LONP1: variants seen among roughly 807,000 people sequenced by gnomAD.
LONP1 encodes lon protease homolog, mitochondrial.
LONP1 carries 31 observed loss-of-function variants against 98.5 expected under a neutral mutation model. The ratio of observed to expected loss-of-function variants is 0.31; its 90% CI spans 0.24 to 0.42. The LOEUF is 0.42. Ranked by LOEUF, LONP1 falls within the 20% of genes least tolerant of loss-of-function variation. The pLI is 1.00. For missense variants in LONP1, 1,336 were observed against 1,350.6 expected, an observed-to-expected ratio of 0.99 and a Z score of 0.17; for synonymous variants, 781 against 594.7, an observed-to-expected ratio of 1.31 and a Z score of -4.56.
chr19:5,694,993 C>A, intron 13 of LONP1, 92 bp from the exon 14 acceptor site: 1 of 1,428,128 alleles, frequency 7.0e-7, no homozygotes, highest in South Asian at 1.4e-5. Context: ...CCATGGCCCC[C>A]AGACCCTGGC....
chr19:5,720,303 T>G (rs2055422890), upstream of LONP1: 6 of 954,854 alleles, frequency 6.3e-6, no homozygotes, highest in Admixed American at 3.6e-5. Context: ...CATCGGATCG[T>G]CTCCGCCTCT....
chr19:5,707,282 G>A (rs1018135204), intron 6 of LONP1, 139 bp from the exon 7 acceptor site: 3 of 693,446 alleles, frequency 4.3e-6, no homozygotes, highest in South Asian at 1.7e-5. Context: ...AGAGGCATGT[G>A]TGCCCTCTGC....
At chr19:5,711,355 C>T (rs1305229443) in intron 4 of LONP1, among the ~76,000 whole-genome samples, 2 of 152,256 alleles carry the variant, frequency 1.3e-5, no homozygotes, top group Non-Finnish European at 2.9e-5. Flanking sequence ...GCAGGCAGGA[C>T]GGCCTAGGTT....
rs1382861413 is a variant in LONP1 at position 5,700,648 on chromosome 19, C to G, written c.1506+141G>C. ...TCGGGGGCAGGGCAGGATGCTACCT[C>G]CGCCGGGATCCCCCCGACCAGCACC... On this transcript the variant is annotated intron_variant, in intron 9 of 17. Coordinates refer to ENST00000360614, the MANE Select transcript of LONP1 (RefSeq NM_004793.4). 4 of 1,187,378 alleles carry G rather than the reference C, an allele frequency of 3.4e-6. No homozygotes were observed. The South Asian group carries it at 4.6e-5, about 14-fold the overall frequency. The allele number at this position is 1,187,378 out of a possible 1,614,324, so 73.6% of individuals were successfully genotyped here.
Position 5,713,270 on chromosome 19 carries a change from C to G in LONP1, c.519-17G>C, listed in dbSNP as rs753201259. On this transcript the variant is annotated splice_polypyrimidine_tract_variant and intron_variant, in intron 2 of 17. Coordinates refer to ENST00000360614, the MANE Select transcript of LONP1 (RefSeq NM_004793.4). ...GACTCATTGCTGTGGGAGAAGAGCA[C>G]AGAGGAATGTTGGAACATGGCTTTC... The G allele has an allele frequency of 7.4e-6, 12 of 1,612,752 alleles. No homozygotes were observed. Among genetic ancestry groups the G allele is most frequent in the African/African-American group, 1.3e-5 (1 of 74,864 alleles).
intron 13 of LONP1, among the ~76,000 whole-genome samples, chr19:5,695,842 C>G (rs1340433461): frequency 6.6e-6 from 1 of 152,194 alleles, no homozygotes; most frequent in Non-Finnish European, 1.5e-5. Context: ...GTGTTTTGGA[C>G]AGTCCCAGGC....
At chr19:5,708,961 C>T (rs1599471748) in intron 4 of LONP1, 2 of 148,096 alleles carry the variant, frequency 1.4e-5, no homozygotes, top group African/African-American at 2.5e-5. Flanking sequence ...TGCAGTGAGC[C>T]GAGATCGCGC....
intron 10 of LONP1, among the ~76,000 whole-genome samples, chr19:5,697,663 A>G (rs1379939526): frequency 2.0e-5 from 3 of 150,300 alleles, no homozygotes; most frequent in Non-Finnish European, 4.4e-5. Context: ...GCTTTGACCG[A>G]GGAACGTGGG....
Position 5,696,074 on chromosome 19 carries a change from C to G in LONP1, c.1993G>C (p.Glu665Gln), listed in dbSNP as rs1275693520. The G allele has an allele frequency of 6.2e-7, 1 of 1,612,658 alleles. No individual in the cohort carries two copies. Among genetic ancestry groups the G allele is most frequent in the Non-Finnish European group, 8.5e-7 (1 of 1,179,884 alleles). Residue 665 changes from glutamate to glutamine, a missense_variant, in exon 13 of 18, where the codon GAG (glutamate) becomes CAG (glutamine). Glu to Gln is a conservative substitution (Grantham distance 29). Around this residue, in one of 5 missense-constraint regions of LONP1, gnomAD observed 555 missense variants for 542.6 expected, o/e 1.02. Coordinates refer to ENST00000360614, the MANE Select transcript of LONP1 (RefSeq NM_004793.4). ...MINVSGYVAQEKLAIAERYLV... is the reference protein window; with the variant it reads ...MINVSGYVAQQKLAIAERYLV... ...CTTACCTCCGCAATGGCCAGCTTCT[C>G]CTGGGCCACGTAGCCCGACACGTTG...
At chr19:5,698,212 T>C (rs1201114093) in intron 10 of LONP1, among the ~76,000 whole-genome samples, 3 of 152,054 alleles carry the variant, frequency 2.0e-5, no homozygotes, top group African/African-American at 7.2e-5. Flanking sequence ...CTGTCACCCT[T>C]GCAGCGGGCG....
intron 7 of LONP1, among the ~76,000 whole-genome samples, chr19:5,706,837 T>C (rs1041092905): frequency 6.6e-6 from 1 of 152,236 alleles, no homozygotes; most frequent in Non-Finnish European, 1.5e-5. Context: ...CCTGGGCTCA[T>C]TACACTGGGA....
rs551331667 is a variant in LONP1 at position 5,717,127 on chromosome 19, C to A, written c.429+2577G>T. On this transcript the variant is annotated intron_variant, in intron 1 of 17. Transcript: ENST00000360614. ...TAGTTTTTAAAAGAAACTAATACTT[C>A]TAACACTTATGATTTATTCTTTAAT... 2.6e-5 allele frequency among the ~76,000 whole-genome samples: 4 copies of A among 152,308 alleles called. No individual in the cohort carries two copies. In the South Asian group the frequency reaches 8.3e-4, roughly 32 times the overall value.
intron 15 of LONP1, 52 bp downstream of exon 15, chr19:5,694,335 C>A: frequency 6.3e-7 from 1 of 1,599,136 alleles, no homozygotes; most frequent in South Asian, 1.1e-5. Flanking sequence ...CCTGCTTGTT[C>A]TCGGGTAGAA....
At position 5,699,795 on chromosome 19, in the gene LONP1, T is replaced by A. The variant is rs2055009008; in HGVS notation, c.1507-590A>T. The stretch of plus-strand genomic sequence containing the variant: ...GGCTGGTCTCGAACTCCTGACCTTG[T>A]GATCCACCCGCCTCGGCCTCCCCAA... On this transcript the variant is annotated intron_variant, in intron 9 of 17. Coordinates refer to ENST00000360614, the MANE Select transcript of LONP1 (RefSeq NM_004793.4). 2.0e-5 allele frequency among the ~76,000 whole-genome samples: 3 copies of A among 151,860 alleles called. No homozygotes were observed. The South Asian group carries it at 6.2e-4, about 32-fold the overall frequency.
chr19:5,713,297 T>C (rs1356982879), intron 2 of LONP1, 44 bp from the exon 3 acceptor site: 2 of 1,610,886 alleles, frequency 1.2e-6, no homozygotes, highest in South Asian at 1.1e-5. Context: ...ATGGCTTTCA[T>C]GCTAGGCAGG....
intron 6 of LONP1, 40 bp from the exon 7 acceptor site, chr19:5,707,183 G>C: frequency 6.4e-7 from 1 of 1,569,172 alleles, no homozygotes; most frequent in South Asian, 1.1e-5. Context: ...AGCAGAAGTC[G>C]GCATCTGTGT....
At chr19:5,719,476 C>A (rs1211602012) in intron 1 of LONP1, among the ~76,000 whole-genome samples, 5 of 152,194 alleles carry the variant, frequency 3.3e-5, no homozygotes, top group East Asian at 1.9e-4. Flanking sequence ...CTAGGCTCAT[C>A]GGGTTCAACT....
At chr19:5,708,461 T>TG in intron 4 of LONP1, 58 bp from the exon 5 acceptor site, 21 of 384,094 alleles carry the variant, frequency 5.5e-5, no homozygotes, top group East Asian at 2.1e-4. Context: ...GGGGGTGGGC[T>TG]GGGTGGGAGC....
rs553702430 is a variant in LONP1, at chr19:5,707,686, C to T, written c.1062+11G>A. On this transcript the variant is annotated intron_variant, in intron 6 of 17. Transcript: ENST00000360614. ...CAGGCGTGGGGGGCTGTGGAGGTGA[C>T]GAGCACTCACATTGGTCTCTTCCAG... is the stretch of plus-strand genomic sequence containing the variant. 26 of 1,603,580 alleles carry T rather than the reference C, an allele frequency of 1.6e-5. No homozygotes were observed. Among genetic ancestry groups the T allele is most frequent in the South Asian group, 1.2e-4 (11 of 90,396 alleles).
Sources: allele counts gnomAD v4.1 joint callset (sites outside exome capture counted in the v4.1 genomes callset), GRCh38; gene constraint gnomAD v4.1.1; regional missense constraint gnomAD v4.1.1; transcripts MANE v1.5; gene names NCBI Gene and HGNC (gene_info 2026-07-23, HGNC 2026-07-21).